Variants in TMC5 observed in about 807,000 individuals in gnomAD.
TMC5 encodes the protein transmembrane channel-like protein 5.
A neutral mutation model predicts 110.5 loss-of-function variants in TMC5; 86 were observed. That is an observed-to-expected ratio of 0.78 (90% CI 0.65 to 0.93). The LOEUF is 0.93. TMC5 is among the 40% of genes least tolerant of loss of function. The pLI is 0.00. For missense variants in TMC5, 1,144 were observed against 1,222.8 expected (o/e 0.94, Z 0.96); for synonymous variants, 455 against 439.5 (o/e 1.04, Z -0.44).
At chr16:19,465,111 TCCTC>T (rs57788374) in intron 8 of TMC5, among the ~76,000 whole-genome samples, 24 of 42,310 alleles carry the variant, frequency 5.7e-4, no homozygotes, top group African/African-American at 1.2e-3. Context: ...CTTCCTTCCT[TCCTC>T]CCTCCCTCCC....
chr16:19,418,166 AAGG>A (rs1966900379), intron 1 of TMC5, 74 bp downstream of exon 1: 1 of 152,248 alleles, frequency 6.6e-6, no homozygotes, highest in Non-Finnish European at 1.5e-5. Flanking sequence ...CGTGTCAGCG[AAGG>A]AGGACGGAAA....
At chr16:19,415,331 A>G (rs762485580), upstream of TMC5, among the ~76,000 whole-genome samples, 4 of 152,202 alleles carry the variant, frequency 2.6e-5, 1 homozygote, top group Admixed American at 1.3e-4. Context: ...ACTAGGTAAC[A>G]TTTAGAGCAG....
At chr16:19,465,029 TTC>T (rs1491057032) in intron 8 of TMC5, among the ~76,000 whole-genome samples, 47 of 121,612 alleles carry the variant, frequency 3.9e-4, no homozygotes, top group African/African-American at 1.0e-3. Context: ...CTTTCTTTCT[TTC>T]TTTCTTTCTT....
At chr16:19,488,570 A>G (rs1314793503) in intron 17 of TMC5, among the ~76,000 whole-genome samples, 1 of 151,798 alleles carries the variant, frequency 6.6e-6, no homozygotes, top group East Asian at 1.9e-4. Flanking sequence ...GCCCCTCCCA[A>G]CAAGGGCAGA....
chr16:19,454,341 T>G (rs529896110), intron 5 of TMC5, among the ~76,000 whole-genome samples: 1 of 152,280 alleles, frequency 6.6e-6, no homozygotes, highest in Non-Finnish European at 1.5e-5. Context: ...CCACCACACC[T>G]GGCAAGAATG....
chr16:19,456,459 T>C, intron 5 of TMC5: 1 of 1,181,360 alleles, frequency 8.5e-7, no homozygotes, highest in Non-Finnish European at 1.0e-6. Context: ...GACAGAATTC[T>C]CTGCAGGAAA....
At chr16:19,460,485 C>A (rs962227768) in intron 6 of TMC5, 151 bp downstream of exon 6, 2 of 557,666 alleles carry the variant, frequency 3.6e-6, no homozygotes, top group East Asian at 6.2e-5. Context: ...TCTGTAGGTA[C>A]TCCTTTCTCC....
rs114423174 is a variant in TMC5 at position 19,460,041 on chromosome 16, A to G, written c.1049-194A>G. 4.4e-3 allele frequency among the ~76,000 whole-genome samples: 676 copies of G among 152,180 alleles called. 3 individuals are homozygous for G. The highest frequency in any genetic ancestry group is 0.016 in the African/African-American group (646 of 41,530). ...CACTGAATTGGAATAAAGTGCAGCCATTATTCATTTGCTCTCACTTTGAGC... is the reference window on the plus strand; with the variant it reads ...CACTGAATTGGAATAAAGTGCAGCCGTTATTCATTTGCTCTCACTTTGAGC... On this transcript the variant is annotated intron_variant, in intron 5 of 21. Transcript: ENST00000542583.
chr16:19,419,655 A>C (rs565296464), intron 1 of TMC5, among the ~76,000 whole-genome samples: 1 of 151,692 alleles, frequency 6.6e-6, no homozygotes, highest in Non-Finnish European at 1.5e-5. Context: ...CTCGTGATCC[A>C]TCCGCCTCGG....
Position 19,477,599 on chromosome 16 carries a change from A to G in TMC5, c.2169+81A>G, listed in dbSNP as rs908276002. ...GGAGGACAGGGGTTTCTCAAGAGCC[A>G]TCACACTCCGTATTTGGTATTAATC... On this transcript the variant is annotated intron_variant, in intron 13 of 21. Transcript: ENST00000542583. 4.3e-6 allele frequency: 4 copies of G among 936,252 alleles called. No homozygotes were observed. In the African/African-American group the frequency reaches 5.0e-5, roughly 12 times the overall value. 58.0% of individuals were successfully genotyped at this position (936,252 alleles called of 1,614,324 possible). A position where few individuals can be genotyped will look rare whatever the true frequency, so the allele number is the denominator to read the frequency against.
rs1196158998 is a variant in TMC5 at position 19,434,340 on chromosome 16, ATATTATAT to A, written c.-80+3701_-80+3708del. Among the ~76,000 whole-genome samples the A allele has an allele frequency of 1.9e-4, 24 of 123,790 alleles. No homozygotes were observed. In the East Asian group the frequency reaches 3.2e-3, roughly 17 times the overall value. The allele number at this position is 123,790 out of a possible 152,430, so 81.2% of individuals were successfully genotyped here. A position where few individuals can be genotyped will look rare whatever the true frequency, so the allele number is the denominator to read the frequency against. ...TATAATATAGATCTATATATAATAT[ATATTATAT>A]GATCTATATTATATATATAATATAG... On this transcript the variant is annotated intron_variant, in intron 2 of 21. Coordinates refer to ENST00000542583, the MANE Select transcript of TMC5 (RefSeq NM_001261841.2).
chr16:19,462,592 A>T (rs1290987613), intron 6 of TMC5: 2 of 697,176 alleles, frequency 2.9e-6, no homozygotes, highest in Non-Finnish European at 5.2e-6. Flanking sequence ...GTGCAGGGGA[A>T]CTGCCCTTTA....
intron 20 of TMC5, 45 bp downstream of exon 20, chr16:19,494,411 C>A: frequency 2.9e-6 from 4 of 1,374,110 alleles, no homozygotes; most frequent in South Asian, 1.2e-5. Flanking sequence ...CACGAGCTTG[C>A]CTCCATGTAA....
chr16:19,447,440 A>G (rs1000546855), intron 4 of TMC5, among the ~76,000 whole-genome samples: 1 of 152,194 alleles, frequency 6.6e-6, no homozygotes, highest in Non-Finnish European at 1.5e-5. Context: ...GGGAAATGTA[A>G]TATTTGCTGA....
At position 19,422,334 on chromosome 16, in the gene TMC5, C is replaced by G. The variant is rs1256935107; in HGVS notation, c.-308+4242C>G. On this transcript the variant is annotated intron_variant, in intron 1 of 21. Coordinates refer to ENST00000542583, the MANE Select transcript of TMC5 (RefSeq NM_001261841.2). ...AGAAAGAATTTGCTTTTCTGCTTCCCTGAATGGGGTGAAAAGAGGGACATT... is the reference window on the plus strand; with the variant it reads ...AGAAAGAATTTGCTTTTCTGCTTCCGTGAATGGGGTGAAAAGAGGGACATT... Among the ~76,000 whole-genome samples, 3 of 152,032 alleles carry G rather than the reference C, an allele frequency of 2.0e-5. No homozygotes were observed. The South Asian group carries it at 6.2e-4, about 32-fold the overall frequency.
At chr16:19,443,593 C>CT (rs1212592001) in intron 3 of TMC5, among the ~76,000 whole-genome samples, 3 of 152,162 alleles carry the variant, frequency 2.0e-5, no homozygotes, top group African/African-American at 7.2e-5. Context: ...CCCATGTTTT[C>CT]CTCTTTGTAT....
chr16:19,470,436 C>T (rs1968308283), intron 10 of TMC5, among the ~76,000 whole-genome samples: 1 of 152,152 alleles, frequency 6.6e-6, no homozygotes, highest in Non-Finnish European at 1.5e-5. Flanking sequence ...ATCCACCCGC[C>T]TTGGCCTCCC....
At chr16:19,417,237 G>A (rs551236339), upstream of TMC5, among the ~76,000 whole-genome samples, 40 of 151,616 alleles carry the variant, frequency 2.6e-4, no homozygotes, top group Admixed American at 9.2e-4. Context: ...TGGGCAACAC[G>A]ACAGAACCCC....
chr16:19,439,509 G>T (rs1309187280), intron 2 of TMC5, among the ~76,000 whole-genome samples: 1 of 152,146 alleles, frequency 6.6e-6, no homozygotes, highest in African/African-American at 2.4e-5. Flanking sequence ...AAAAACAGTG[G>T]TTTAAACAAG....
Sources: allele counts gnomAD v4.1 joint callset (sites outside exome capture counted in the v4.1 genomes callset), GRCh38; gene constraint gnomAD v4.1.1; transcripts MANE v1.5; gene names NCBI Gene and HGNC (gene_info 2026-07-23, HGNC 2026-07-21).